The following NRG1 variants were observed in gnomAD, a reference collection of about 807,000 sequenced individuals.
NRG1 encodes the protein neuregulin 1.
NRG1 carries 18 observed loss-of-function variants against 63.8 expected under a neutral mutation model. The observed-to-expected ratio is 0.28, with a 90% CI of 0.19 to 0.42. NRG1 has a LOEUF of 0.42. NRG1 is among the 10% of genes least tolerant of loss of function. The pLI, the probability that NRG1 is intolerant of heterozygous loss-of-function variation, is 1.00. For missense variants in NRG1, 762 were observed against 814.7 expected (o/e 0.94, Z 0.79); for synonymous variants, 302 against 301.3 (o/e 1.00, Z -0.02).
At chr8:32,125,258 A>C (rs561953793) in intron 1 of NRG1, among the ~76,000 whole-genome samples, 1 of 152,078 alleles carries the variant, frequency 6.6e-6, no homozygotes, top group Admixed American at 6.6e-5. Context: ...GTGTTATAGC[A>C]ACATGAAGCC....
At chr8:32,571,745 G>A (rs2129528815) in intron 1 of NRG1, among the ~76,000 whole-genome samples, 1 of 152,130 alleles carries the variant, frequency 6.6e-6, no homozygotes, top group East Asian at 1.9e-4. Flanking sequence ...ACCAATAGGA[G>A]TAAATTGAGT....
At chr8:32,344,315 T>C (rs1161226765) in intron 1 of NRG1, among the ~76,000 whole-genome samples, 1 of 146,292 alleles carries the variant, frequency 6.8e-6, no homozygotes, top group Non-Finnish European at 1.5e-5. Context: ...CTTTTTTTTT[T>C]CCTTCTTTCT....
chr8:32,742,100 G>T lies in NRG1; in HGVS notation c.633-575G>T, dbSNP rs1030368323. 3 of 1,596,162 alleles carry T rather than the reference G, an allele frequency of 1.9e-6. No individual in the cohort carries two copies. The highest frequency in any genetic ancestry group is 2.7e-5 in the African/African-American group (2 of 74,514). ...AGTATGTCAAAATAATCTGAAATTT[G>T]CTTTCTCCCCCAACTACAGCAACAA... On this transcript the variant is annotated intron_variant, in intron 6 of 11. Transcript: ENST00000356819. The surrounding 1 kb of genome is among the most constrained non-coding windows in gnomAD (Gnocchi z 4.2).
intron 1 of NRG1, among the ~76,000 whole-genome samples, chr8:31,961,630 G>A (rs981374937): frequency 2.6e-5 from 4 of 152,046 alleles, no homozygotes; most frequent in Admixed American, 6.6e-5. Context: ...CCAATGCTAG[G>A]CTTAATAAAA....
chr8:32,417,707 T>C (rs568749860), intron 1 of NRG1, among the ~76,000 whole-genome samples: 1 of 149,102 alleles, frequency 6.7e-6, no homozygotes. Context: ...TTCTCAAGAT[T>C]TGTTCTAGTC....
intron 7 of NRG1, among the ~76,000 whole-genome samples, chr8:32,747,261 T>G (rs1046656019): frequency 6.6e-6 from 1 of 152,096 alleles, no homozygotes; most frequent in African/African-American, 2.4e-5. Context: ...TGGAAAGAGT[T>G]TCTGTAGACA....
upstream of NRG1, chr8:32,548,126 C>T: frequency 2.6e-6 from 2 of 773,746 alleles, no homozygotes; most frequent in Non-Finnish European, 3.1e-6. Flanking sequence ...AAAGGGGCTG[C>T]GCCCGGGAGC....
intron 1 of NRG1, among the ~76,000 whole-genome samples, chr8:31,902,823 G>A (rs1832198726): frequency 6.6e-6 from 1 of 152,056 alleles, no homozygotes; most frequent in Non-Finnish European, 1.5e-5. Context: ...CAACCCACAT[G>A]GCCATGTTAT....
chr8:31,705,649 TC>T (rs1388306624), intron 1 of NRG1, among the ~76,000 whole-genome samples: 3 of 152,228 alleles, frequency 2.0e-5, no homozygotes, highest in African/African-American at 7.2e-5. Flanking sequence ...GAACTTTTTT[TC>T]CTCTCTGTTC....
intron 1 of NRG1, among the ~76,000 whole-genome samples, chr8:32,475,377 T>G (rs975455795): frequency 2.1e-5 from 3 of 146,178 alleles, no homozygotes; most frequent in African/African-American, 7.6e-5. Flanking sequence ...AGGTAGGAGA[T>G]TCACTTGAAG....
chr8:31,754,528 C>G (rs922144483), intron 1 of NRG1, among the ~76,000 whole-genome samples: 8 of 152,102 alleles, frequency 5.3e-5, no homozygotes, highest in Admixed American at 3.9e-4. Flanking sequence ...CCTGCAGAAC[C>G]ATGAGTCAAT....
rs193277334 is a variant in NRG1, at chr8:32,658,457, C to T, written c.502+41572C>T. ...ATAACTTTGTTGACCCCTGTTATTT[C>T]GTTAGGACATACTGAGTTGTATTAG... On this transcript the variant is annotated intron_variant, in intron 5 of 11. Coordinates refer to ENST00000356819, the Ensembl canonical transcript of NRG1. Among the ~76,000 whole-genome samples the T allele has an allele frequency of 2.6e-3, 390 of 152,202 alleles. 2 individuals carry two copies. Among genetic ancestry groups the T allele is most frequent in the Non-Finnish European group, 4.1e-3 (276 of 68,008 alleles).
intron 1 of NRG1, among the ~76,000 whole-genome samples, chr8:31,933,225 T>C (rs1835008118): frequency 6.6e-6 from 1 of 152,204 alleles, no homozygotes; most frequent in African/African-American, 2.4e-5. Flanking sequence ...TAATGCTTTA[T>C]GTATATTAAC....
chr8:32,328,738 C>G (rs976220714), intron 1 of NRG1, among the ~76,000 whole-genome samples: 10 of 152,062 alleles, frequency 6.6e-5, no homozygotes, highest in African/African-American at 1.9e-4. Flanking sequence ...GAAGGAGAGT[C>G]AAGCCTGGTC....
chr8:32,375,227 C>G (rs1809469294), intron 1 of NRG1, among the ~76,000 whole-genome samples: 1 of 152,056 alleles, frequency 6.6e-6, no homozygotes, highest in Non-Finnish European at 1.5e-5. Flanking sequence ...ATCCCCCCAC[C>G]TTGGCTCCTC....
chr8:32,366,959 G>C (rs1182337925), intron 1 of NRG1, among the ~76,000 whole-genome samples: 1 of 151,892 alleles, frequency 6.6e-6, no homozygotes. Context: ...TGATCTGCCT[G>C]CCTTGGCCTC....
intron 8 of NRG1, 100 bp downstream of exon 8, chr8:32,754,574 G>T: frequency 2.8e-6 from 3 of 1,075,990 alleles, no homozygotes. Flanking sequence ...TAGTCTTGGG[G>T]ATAAAAAAAA....
intron 1 of NRG1, among the ~76,000 whole-genome samples, chr8:32,084,904 G>T (rs1484102438): frequency 2.0e-5 from 3 of 152,138 alleles, no homozygotes; most frequent in Non-Finnish European, 4.4e-5. Context: ...TCTATTTGAA[G>T]GAGTGATTTT....
chr8:32,048,438 TATAC>T (rs1158711051), intron 1 of NRG1, among the ~76,000 whole-genome samples: 2,583 of 12,408 alleles, frequency 0.21, 136 homozygotes, highest in African/African-American at 0.27. Flanking sequence ...TGTACACATA[TATAC>T]ATACATATAT....
Sources: allele counts gnomAD v4.1 joint callset (sites outside exome capture counted in the v4.1 genomes callset), GRCh38; gene constraint gnomAD v4.1.1; non-coding constraint Gnocchi (gnomAD v3.1); transcripts MANE v1.5; gene names NCBI Gene and HGNC (gene_info 2026-07-23, HGNC 2026-07-21).